The following MACROD2 variants were observed in gnomAD, a reference collection of about 807,000 sequenced individuals.
MACROD2 encodes ADP-ribose glycohydrolase MACROD2.
In MACROD2, 36 loss-of-function variants were observed where a neutral mutation model predicts 70.4. The observed-to-expected ratio is 0.51, with a 90% CI of 0.39 to 0.68. The LOEUF is 0.68. Ranked by LOEUF, MACROD2 falls within the 30% of genes least tolerant of loss-of-function variation. MACROD2 has a pLI of 0.00. For missense variants in MACROD2, 496 were observed against 538.4 expected (o/e 0.92, Z 0.78); for synonymous variants, 172 against 178.8 (o/e 0.96, Z 0.30).
At chr20:16,003,057 C>A in intron 15 of MACROD2, among the ~76,000 whole-genome samples, 1 of 146,454 alleles carries the variant, frequency 6.8e-6, no homozygotes, top group Non-Finnish European at 1.5e-5. Flanking sequence ...CAAACAAAAA[C>A]AAAATAGAAA....
intron 3 of MACROD2, among the ~76,000 whole-genome samples, chr20:14,168,843 A>T (rs1462331525): frequency 3.9e-5 from 6 of 152,232 alleles, no homozygotes; most frequent in African/African-American, 1.4e-4. Flanking sequence ...AATCCTCCCT[A>T]AATCATTCTG....
intron 8 of MACROD2, among the ~76,000 whole-genome samples, chr20:15,681,086 A>G (rs1376762060): frequency 6.6e-6 from 1 of 152,180 alleles, no homozygotes; most frequent in Non-Finnish European, 1.5e-5. Context: ...TTTGGGAATG[A>G]AGTGAAAACG....
chr20:16,030,604 G>A (rs1948829636), intron 15 of MACROD2, among the ~76,000 whole-genome samples: 1 of 152,168 alleles, frequency 6.6e-6, no homozygotes, highest in South Asian at 2.1e-4. Flanking sequence ...TTGAAAAAAT[G>A]TTAACAAGCT....
chr20:16,000,516 A>T (rs1473657996), intron 15 of MACROD2, among the ~76,000 whole-genome samples: 3 of 152,178 alleles, frequency 2.0e-5, no homozygotes, highest in Non-Finnish European at 4.4e-5. Flanking sequence ...GAAGCCTATT[A>T]CCTTACTTTG....
intron 3 of MACROD2, among the ~76,000 whole-genome samples, chr20:14,341,568 G>A (rs781240520): frequency 2.0e-5 from 3 of 152,364 alleles, no homozygotes; most frequent in Admixed American, 2.0e-4. Context: ...GAACCCAGGA[G>A]GTGGAGGTTG....
intron 5 of MACROD2, among the ~76,000 whole-genome samples, chr20:15,224,593 C>T (rs1432588364): frequency 6.6e-6 from 1 of 152,152 alleles, no homozygotes; most frequent in Non-Finnish European, 1.5e-5. Flanking sequence ...GACAATTATT[C>T]AAAATTCTTT....
At chr20:15,202,671 G>T (rs920937329) in intron 5 of MACROD2, among the ~76,000 whole-genome samples, 1 of 152,156 alleles carries the variant, frequency 6.6e-6, no homozygotes, top group Non-Finnish European at 1.5e-5. Flanking sequence ...TACAACTCAA[G>T]TGGGAAAATA....
In MACROD2 at chr20:15,337,518, T is replaced by A. The variant is rs184910838; in HGVS notation, c.541-93887T>A. On this transcript the variant is annotated intron_variant, in intron 6 of 17. Coordinates refer to ENST00000684519, the MANE Select transcript of MACROD2 (RefSeq NM_001351661.2). ...ACTAATAAAAATTACATATATTTGT[T>A]GTTTACAATATGATGTCTTGAAATA... Among the ~76,000 whole-genome samples the A allele has an allele frequency of 1.7e-3, 264 of 151,964 alleles. 7 individuals are homozygous for A. The highest frequency in any genetic ancestry group is 6.2e-3 in the African/African-American group (254 of 41,214).
intron 8 of MACROD2, among the ~76,000 whole-genome samples, chr20:15,706,127 C>G (rs1468703786): frequency 1.3e-5 from 2 of 152,128 alleles, no homozygotes; most frequent in Non-Finnish European, 2.9e-5. Flanking sequence ...TGTTTGAGCT[C>G]AGAGGAAATA....
At chr20:15,974,836 T>A (rs2066281763) in intron 13 of MACROD2, among the ~76,000 whole-genome samples, 1 of 152,174 alleles carries the variant, frequency 6.6e-6, no homozygotes, top group South Asian at 2.1e-4. Flanking sequence ...GGTATGCATA[T>A]GTTATGAAAT....
At chr20:14,566,332 C>G (rs976401875) in intron 4 of MACROD2, among the ~76,000 whole-genome samples, 10 of 151,762 alleles carry the variant, frequency 6.6e-5, no homozygotes, top group Non-Finnish European at 1.5e-5. Flanking sequence ...AAGGCTGAGT[C>G]AGGAGGATCA....
intron 3 of MACROD2, among the ~76,000 whole-genome samples, chr20:14,443,520 C>T (rs1189996411): frequency 1.3e-5 from 2 of 151,992 alleles, no homozygotes; most frequent in African/African-American, 4.8e-5. Flanking sequence ...TGGTCTTGAA[C>T]TCCCTACCTC....
intron 8 of MACROD2, among the ~76,000 whole-genome samples, chr20:15,771,903 G>A (rs1449421940): frequency 1.3e-5 from 2 of 151,162 alleles, no homozygotes; most frequent in Non-Finnish European, 2.9e-5. Flanking sequence ...GGCTAACACG[G>A]TGAAACCCCA....
chr20:15,048,355 C>T (rs115380476), intron 5 of MACROD2, among the ~76,000 whole-genome samples: 104 of 152,194 alleles, frequency 6.8e-4, no homozygotes, highest in African/African-American at 2.4e-3. Context: ...GTTACCACTG[C>T]ATAACCTAGT....
intron 5 of MACROD2, among the ~76,000 whole-genome samples, chr20:14,976,357 C>A (rs966606315): frequency 1.3e-5 from 2 of 152,110 alleles, no homozygotes; most frequent in African/African-American, 4.8e-5. Context: ...TGCCTCTATT[C>A]CTTAGTATGT....
At position 15,873,870 on chromosome 20, in the gene MACROD2, A is replaced by G. The variant is rs566568762; in HGVS notation, c.727+11044A>G. On this transcript the variant is annotated intron_variant, in intron 9 of 17. Coordinates refer to ENST00000684519, the MANE Select transcript of MACROD2 (RefSeq NM_001351661.2). ...CTCACAGAAAACCATTTTATTTCTA[A>G]TTAGATTGTTTCTAGTTCTCCTCTT... Among the ~76,000 whole-genome samples, 35 of 152,192 alleles carry G rather than the reference A, an allele frequency of 2.3e-4. 3 individuals are homozygous for G. Among genetic ancestry groups the G allele is most frequent in the Middle Eastern group, 6.8e-3 (2 of 294 alleles).
chr20:14,433,586 A>G (rs1911273872), intron 3 of MACROD2, among the ~76,000 whole-genome samples: 1 of 152,116 alleles, frequency 6.6e-6, no homozygotes, highest in South Asian at 2.1e-4. Flanking sequence ...ATTCTTATTT[A>G]AACAGTGCAA....
chr20:15,724,774 C>T lies in MACROD2; in HGVS notation c.646-137971C>T, dbSNP rs1952818571. Among the ~76,000 whole-genome samples the T allele has an allele frequency of 2.6e-5, 4 of 152,086 alleles. No individual in the cohort carries two copies. In the South Asian group the frequency reaches 8.3e-4, roughly 32 times the overall value. ...TATTGTGTTAGCTGTTCTGGGTCTT[C>T]TGCATCTCCATATAAACTATAGAAT... On this transcript the variant is annotated intron_variant, in intron 8 of 17. Transcript: ENST00000684519.
Position 15,030,446 on chromosome 20 carries a change from C to T in MACROD2, c.419-199494C>T, listed in dbSNP as rs76246861. On this transcript the variant is annotated intron_variant, in intron 5 of 17. Coordinates refer to ENST00000684519, the MANE Select transcript of MACROD2 (RefSeq NM_001351661.2). The stretch of plus-strand genomic sequence containing the variant: ...GAATAACTACTCCTGCTTAATTGCC[C>T]TTCGGTAAAATTTTGAGGCATGTTC... 2.5e-3 allele frequency among the ~76,000 whole-genome samples: 381 copies of T among 152,172 alleles called. 1 individual carries two copies. Among genetic ancestry groups the T allele is most frequent in the African/African-American group, 8.8e-3 (366 of 41,520 alleles).
Sources: allele counts gnomAD v4.1 joint callset (sites outside exome capture counted in the v4.1 genomes callset), GRCh38; gene constraint gnomAD v4.1.1; transcripts MANE v1.5; gene names NCBI Gene and HGNC (gene_info 2026-07-23, HGNC 2026-07-21).